Variants in PARM1 observed in about 807,000 individuals in gnomAD.
PARM1 encodes the protein prostate androgen-regulated mucin-like protein 1.
PARM1 carries 14 observed loss-of-function variants against 24.6 expected under a neutral mutation model. The ratio of observed to expected loss-of-function variants is 0.57; its 90% CI spans 0.38 to 0.89. PARM1 has a LOEUF of 0.89. PARM1 is among the 40% of genes least tolerant of loss of function. The probability of loss-of-function intolerance (pLI) is 0.00; values close to 1 mark genes in which losing one functional copy is unlikely to be tolerated. For missense variants in PARM1, 362 were observed against 380.4 expected, an observed-to-expected ratio of 0.95 and a Z score of 0.40; for synonymous variants, 179 against 156.6, an observed-to-expected ratio of 1.14 and a Z score of -1.07.
chr4:75,001,428 G>T (rs1722677989), intron 1 of PARM1, among the ~76,000 whole-genome samples: 1 of 152,158 alleles, frequency 6.6e-6, no homozygotes, highest in Admixed American at 6.6e-5. Context: ...AATCTGTTGT[G>T]TAAAGTCATA....
At chr4:74,985,253 A>G (rs1397552539) in intron 1 of PARM1, among the ~76,000 whole-genome samples, 1 of 152,174 alleles carries the variant, frequency 6.6e-6, no homozygotes, top group Non-Finnish European at 1.5e-5. Flanking sequence ...ACAAGCCAGA[A>G]TCCTTCCCCT....
At chr4:74,982,719 C>T (rs143708818) in intron 1 of PARM1, among the ~76,000 whole-genome samples, 4 of 152,254 alleles carry the variant, frequency 2.6e-5, no homozygotes, top group African/African-American at 7.2e-5. Flanking sequence ...GAAACAGTTC[C>T]CTCTGGGAAC....
At chr4:74,972,762 C>T (rs185006627) in intron 1 of PARM1, among the ~76,000 whole-genome samples, 13 of 152,260 alleles carry the variant, frequency 8.5e-5, no homozygotes, top group South Asian at 2.1e-4. Flanking sequence ...TAAGCCTCTA[C>T]GTTATTTGGG....
intron 1 of PARM1, among the ~76,000 whole-genome samples, chr4:74,981,119 A>T (rs1359634423): frequency 6.6e-6 from 1 of 152,226 alleles, no homozygotes; most frequent in African/African-American, 2.4e-5. Context: ...AATGAGATCT[A>T]ATTAAACTAA....
intron 1 of PARM1, among the ~76,000 whole-genome samples, chr4:74,992,809 T>G (rs924804426): frequency 1.3e-5 from 2 of 152,178 alleles, no homozygotes; most frequent in Non-Finnish European, 1.5e-5. Flanking sequence ...TCTGAAAGAA[T>G]GCAGTTATCA....
intron 1 of PARM1, among the ~76,000 whole-genome samples, chr4:74,980,924 G>T (rs1227932322): frequency 6.6e-6 from 1 of 152,154 alleles, no homozygotes; most frequent in Non-Finnish European, 1.5e-5. Context: ...GCCATATGCA[G>T]AAAATTGAAA....
At chr4:74,949,341 T>C (rs1042456272) in intron 1 of PARM1, among the ~76,000 whole-genome samples, 5 of 152,140 alleles carry the variant, frequency 3.3e-5, no homozygotes, top group Non-Finnish European at 5.9e-5. Context: ...TTTTTTGAGA[T>C]GGAGTCTTGC....
At chr4:74,993,038 C>A (rs1722509753) in intron 1 of PARM1, among the ~76,000 whole-genome samples, 1 of 152,120 alleles carries the variant, frequency 6.6e-6, no homozygotes, top group South Asian at 2.1e-4. Context: ...AATCCTCTTC[C>A]CTTGTATGTA....
chr4:74,948,540 AC>A (rs1721449861), intron 1 of PARM1, among the ~76,000 whole-genome samples: 1 of 152,200 alleles, frequency 6.6e-6, no homozygotes, highest in African/African-American at 2.4e-5. Context: ...TAAGACAAAT[AC>A]ATCTTATAGG....
At chr4:74,974,283 T>C (rs1405471628) in intron 1 of PARM1, among the ~76,000 whole-genome samples, 1 of 152,170 alleles carries the variant, frequency 6.6e-6, no homozygotes, top group Non-Finnish European at 1.5e-5. Flanking sequence ...TACCCAGAAA[T>C]AATGTTTAAT....
intron 1 of PARM1, among the ~76,000 whole-genome samples, chr4:74,948,634 C>A (rs1010927569): frequency 4.6e-5 from 7 of 152,066 alleles, no homozygotes; most frequent in African/African-American, 1.7e-4. Flanking sequence ...CACTGGACAC[C>A]AAAAAGACAC....
Position 74,987,054 on chromosome 4 carries a change from A to C in PARM1, c.44-25371A>C, listed in dbSNP as rs570444180. Among the ~76,000 whole-genome samples, 11 of 152,314 alleles carry C rather than the reference A, an allele frequency of 7.2e-5. No individual in the cohort carries two copies. In the East Asian group the frequency reaches 2.1e-3, roughly 29 times the overall value. On this transcript the variant is annotated intron_variant, in intron 1 of 3. Coordinates refer to ENST00000307428, the MANE Select transcript of PARM1 (RefSeq NM_015393.4). ...CATTAATTGAAATAGGACCTAATAC[A>C]TACTAAATGTTCAATATTATTAGTG...
chr4:75,044,843 A>G (rs1202524329), intron 3 of PARM1, among the ~76,000 whole-genome samples: 2 of 152,196 alleles, frequency 1.3e-5, no homozygotes, highest in Non-Finnish European at 2.9e-5. Flanking sequence ...TCTTATGTGG[A>G]TGGCAGCAGG....
chr4:74,935,827 C>T (rs1410252597), intron 1 of PARM1, among the ~76,000 whole-genome samples: 1 of 151,914 alleles, frequency 6.6e-6, no homozygotes, highest in Admixed American at 6.6e-5. Flanking sequence ...TGTATTCACT[C>T]GGGTATATAT....
chr4:74,936,486 C>G (rs1419384295), intron 1 of PARM1, among the ~76,000 whole-genome samples: 1 of 146,066 alleles, frequency 6.8e-6, no homozygotes, highest in Non-Finnish European at 1.5e-5. Context: ...TGGAGTCTCT[C>G]TCTGTCTCCC....
At position 75,038,129 on chromosome 4, in the gene PARM1, G is replaced by C. The variant is rs547544955; in HGVS notation, c.848+4168G>C. Among the ~76,000 whole-genome samples, 51 of 152,224 alleles carry C rather than the reference G, an allele frequency of 3.4e-4. 1 individual carries two copies. In the South Asian group the frequency reaches 0.01, roughly 31 times the overall value. On this transcript the variant is annotated intron_variant, in intron 3 of 3. Coordinates refer to ENST00000307428, the MANE Select transcript of PARM1 (RefSeq NM_015393.4). ...ACGGGGTTTCACCATGTTGACCAGG[G>C]TGGTCTCGCTCTTCTGACCTGGTGA... is the stretch of plus-strand genomic sequence containing the variant.
At chr4:74,946,935 G>A (rs937520980) in intron 1 of PARM1, among the ~76,000 whole-genome samples, 1 of 152,182 alleles carries the variant, frequency 6.6e-6, no homozygotes, top group African/African-American at 2.4e-5. Context: ...ATCTAAGCCT[G>A]CGTTTATTTT....
chr4:74,954,533 T>C (rs1263005954), intron 1 of PARM1, among the ~76,000 whole-genome samples: 6 of 152,256 alleles, frequency 3.9e-5, no homozygotes, highest in African/African-American at 1.2e-4. Flanking sequence ...TTTGAAATTA[T>C]GGACATAGCA....
At chr4:75,025,319 G>T (rs183679166) in intron 2 of PARM1, among the ~76,000 whole-genome samples, 1 of 152,174 alleles carries the variant, frequency 6.6e-6, no homozygotes, top group Non-Finnish European at 1.5e-5. Context: ...CACTTAGCTG[G>T]AGTTGCTATG....
Sources: allele counts gnomAD v4.1 joint callset (sites outside exome capture counted in the v4.1 genomes callset), GRCh38; gene constraint gnomAD v4.1.1; transcripts MANE v1.5; gene names NCBI Gene and HGNC (gene_info 2026-07-23, HGNC 2026-07-21).